The following PCDH7 variants were observed in gnomAD, a reference collection of about 807,000 sequenced individuals.
PCDH7 encodes the protein protocadherin 7.
PCDH7 carries 17 observed loss-of-function variants against 58.9 expected under a neutral mutation model. The ratio of observed to expected loss-of-function variants is 0.29; its 90% CI spans 0.20 to 0.43. The LOEUF (loss-of-function observed/expected upper bound fraction) is 0.43. PCDH7 is among the 20% of genes least tolerant of loss of function. The pLI is 1.00. For synonymous variants in PCDH7, 664 were observed against 616.4 expected, an observed-to-expected ratio of 1.08 and a Z score of -1.14; for missense variants, 1,274 against 1,441.0, an observed-to-expected ratio of 0.88 and a Z score of 1.88.
chr4:30,846,399 C>A (rs1227523824), intron 1 of PCDH7, among the ~76,000 whole-genome samples: 1 of 152,044 alleles, frequency 6.6e-6, no homozygotes, highest in Non-Finnish European at 1.5e-5. Flanking sequence ...TACCCTTCTT[C>A]TTCCTTTCAT....
intron 3 of PCDH7, among the ~76,000 whole-genome samples, chr4:31,045,122 A>G (rs546886682): frequency 7.9e-5 from 12 of 151,562 alleles, no homozygotes; most frequent in Middle Eastern, 3.4e-3. Context: ...TTATTCTAGC[A>G]TGGTGGTGAC....
intron 1 of PCDH7, among the ~76,000 whole-genome samples, chr4:30,746,897 A>G (rs746209723): frequency 2.6e-5 from 4 of 152,074 alleles, no homozygotes; most frequent in African/African-American, 4.8e-5. Flanking sequence ...TTTTCCTTGC[A>G]CTGGCCTATC....
At chr4:30,829,877 G>A (rs1266215596) in intron 1 of PCDH7, among the ~76,000 whole-genome samples, 1 of 152,032 alleles carries the variant, frequency 6.6e-6, no homozygotes, top group Non-Finnish European at 1.5e-5. Flanking sequence ...CCACTTTATA[G>A]CCCGCATTCA....
At position 30,742,153 on chromosome 4, in the gene PCDH7, A is replaced by G. The variant is rs546415868; in HGVS notation, c.70+17557A>G. Among the ~76,000 whole-genome samples the G allele has an allele frequency of 1.4e-3, 218 of 152,312 alleles. 1 individual carries two copies. Among genetic ancestry groups the G allele is most frequent in the African/African-American group, 5.0e-3 (208 of 41,576 alleles). On this transcript the variant is annotated intron_variant, in intron 1 of 3. Transcript: ENST00000509759. Reference sequence around the variant, plus strand: ...TATGTTTATCAGTTCTTGAGAATTCATGGCTATTAATTTTGATTTTTGATT... The same window carrying G: ...TATGTTTATCAGTTCTTGAGAATTCGTGGCTATTAATTTTGATTTTTGATT...
chr4:30,741,289 C>T (rs910236461), intron 1 of PCDH7, among the ~76,000 whole-genome samples: 4 of 151,392 alleles, frequency 2.6e-5, no homozygotes, highest in Non-Finnish European at 5.9e-5. Flanking sequence ...CACTCGGGCT[C>T]AGGTGATTCT....
At chr4:30,780,524 A>T (rs1216387605) in intron 1 of PCDH7, among the ~76,000 whole-genome samples, 1 of 151,804 alleles carries the variant, frequency 6.6e-6, no homozygotes, top group African/African-American at 2.4e-5. Context: ...AAAAAAAAAA[A>T]GCAAGAAACA....
At chr4:30,998,750 A>C (rs1752112224) in intron 3 of PCDH7, among the ~76,000 whole-genome samples, 1 of 152,102 alleles carries the variant, frequency 6.6e-6, no homozygotes, top group African/African-American at 2.4e-5. Flanking sequence ...GGGGATAAGG[A>C]AGGTAGAATA....
chr4:30,784,640 A>G (rs1560367114), intron 1 of PCDH7, among the ~76,000 whole-genome samples: 1 of 152,100 alleles, frequency 6.6e-6, no homozygotes, highest in Non-Finnish European at 1.5e-5. Context: ...TGTTTTTCCT[A>G]TCTATTCATT....
At chr4:31,042,927 C>T (rs1756000757) in intron 3 of PCDH7, among the ~76,000 whole-genome samples, 1 of 152,026 alleles carries the variant, frequency 6.6e-6, no homozygotes, top group African/African-American at 2.4e-5. Flanking sequence ...GGTGAGGGGC[C>T]TTTTGCTGGT....
intron 1 of PCDH7, among the ~76,000 whole-genome samples, chr4:30,845,096 G>A (rs1731739928): frequency 6.6e-6 from 1 of 152,084 alleles, no homozygotes; most frequent in Admixed American, 6.6e-5. Context: ...AAATACTTAA[G>A]TGATTTCCTT....
chr4:30,864,301 A>G (rs1241004211), intron 1 of PCDH7, among the ~76,000 whole-genome samples: 1 of 152,036 alleles, frequency 6.6e-6, no homozygotes, highest in Non-Finnish European at 1.5e-5. Context: ...AAACAAACCC[A>G]TAATAGCAAT....
intron 3 of PCDH7, among the ~76,000 whole-genome samples, chr4:31,101,059 AT>A (rs2109300297): frequency 6.6e-6 from 1 of 152,080 alleles, no homozygotes; most frequent in Non-Finnish European, 1.5e-5. Flanking sequence ...AATGTATTTG[AT>A]TTTCCCAAGC....
chr4:31,086,514 T>C (rs1712461355), intron 3 of PCDH7, among the ~76,000 whole-genome samples: 1 of 152,142 alleles, frequency 6.6e-6, no homozygotes, highest in African/African-American at 2.4e-5. Flanking sequence ...TCATACTTAA[T>C]AAGTATTTTG....
intron 3 of PCDH7, among the ~76,000 whole-genome samples, chr4:31,032,879 A>G (rs1755078762): frequency 2.0e-5 from 3 of 152,306 alleles, no homozygotes; most frequent in South Asian, 4.1e-4. Context: ...CTATTAATGG[A>G]CAGTTAGGGA....
At chr4:30,738,408 A>C (rs1716604592) in intron 1 of PCDH7, among the ~76,000 whole-genome samples, 1 of 152,022 alleles carries the variant, frequency 6.6e-6, no homozygotes, top group Admixed American at 6.6e-5. Context: ...AAAAAAAAAA[A>C]GGTACAATTA....
intron 1 of PCDH7, chr4:30,725,061 A>G: frequency 2.0e-6 from 2 of 1,002,992 alleles, no homozygotes; most frequent in South Asian, 9.4e-5. Flanking sequence ...TGTTATTTAC[A>G]ATGCAGGATT....
At chr4:30,894,490 A>AATATATATATATAT (rs1553909430) in intron 1 of PCDH7, among the ~76,000 whole-genome samples, 3 of 33,518 alleles carry the variant, frequency 9.0e-5, no homozygotes, top group South Asian at 2.9e-3. Context: ...AAAAAAAAAA[A>AATATATATATATAT]ATATATATAT....
chr4:30,966,701 A>C (rs1330976801), intron 3 of PCDH7, among the ~76,000 whole-genome samples: 2 of 152,136 alleles, frequency 1.3e-5, no homozygotes, highest in Admixed American at 1.3e-4. Context: ...AGTTGTTGAA[A>C]CAAAACAGGA....
chr4:30,820,125 G>T (rs1728198547), intron 1 of PCDH7, among the ~76,000 whole-genome samples: 1 of 151,846 alleles, frequency 6.6e-6, no homozygotes, highest in Admixed American at 6.6e-5. Context: ...TGCTATTAAA[G>T]AAAACAGCAA....
Sources: allele counts gnomAD v4.1 joint callset (sites outside exome capture counted in the v4.1 genomes callset), GRCh38; gene constraint gnomAD v4.1.1; transcripts MANE v1.5; gene names NCBI Gene and HGNC (gene_info 2026-07-23, HGNC 2026-07-21).